The following ZNF423 variants were observed in gnomAD, a reference collection of about 807,000 sequenced individuals.
The protein encoded by ZNF423 is zinc finger protein 423.
In ZNF423, 12 loss-of-function variants were observed where a neutral mutation model predicts 95.8. That is an observed-to-expected ratio of 0.13 (90% confidence interval 0.08 to 0.20). The LOEUF is 0.20. ZNF423 is among the 10% of genes least tolerant of loss of function. ZNF423 has a pLI of 1.00. For synonymous variants in ZNF423, 749 were observed against 711.9 expected (o/e 1.05, Z -0.83); for missense variants, 1,316 against 1,737.1 (o/e 0.76, Z 4.31).
chr16:49,724,311 T>C (rs181164903), intron 3 of ZNF423, among the ~76,000 whole-genome samples: 3 of 152,358 alleles, frequency 2.0e-5, no homozygotes, highest in African/African-American at 7.2e-5. Flanking sequence ...AACTGGAAGC[T>C]GTCTGCATGC....
intron 5 of ZNF423, among the ~76,000 whole-genome samples, chr16:49,610,856 G>C (rs189160265): frequency 6.6e-5 from 10 of 151,820 alleles, no homozygotes; most frequent in Admixed American, 3.3e-4. Flanking sequence ...TTGAAAGAAA[G>C]CAAAAAGGCT....
chr16:49,541,506 A>G (rs1567454657), intron 5 of ZNF423, among the ~76,000 whole-genome samples: 1 of 152,236 alleles, frequency 6.6e-6, no homozygotes, highest in Non-Finnish European at 1.5e-5. Flanking sequence ...CTGGAAGGAC[A>G]CACATTAAGG....
intron 7 of ZNF423, among the ~76,000 whole-genome samples, chr16:49,507,114 C>T (rs944482975): frequency 6.6e-6 from 1 of 152,184 alleles, no homozygotes; most frequent in Non-Finnish European, 1.5e-5. Context: ...CTAAGCACTC[C>T]TTCACTCACC....
intron 3 of ZNF423, among the ~76,000 whole-genome samples, chr16:49,692,519 T>C (rs980620020): frequency 3.3e-5 from 5 of 152,156 alleles, no homozygotes; most frequent in Non-Finnish European, 5.9e-5. Flanking sequence ...CCTTAACCCA[T>C]GCCTGACCCC....
At chr16:49,626,880 CATA>C (rs1596739647) in intron 4 of ZNF423, among the ~76,000 whole-genome samples, 1 of 140,880 alleles carries the variant, frequency 7.1e-6, no homozygotes, top group South Asian at 2.5e-4. Context: ...CATCCATCTA[CATA>C]ATACCCACCC....
intron 7 of ZNF423, among the ~76,000 whole-genome samples, chr16:49,493,388 G>T (rs756466389): frequency 1.1e-4 from 16 of 152,200 alleles, no homozygotes; most frequent in Non-Finnish European, 2.2e-4. Context: ...TTGCTGAGCT[G>T]CACACAGGGT....
chr16:49,548,706 T>TGACATC (rs925221739), intron 5 of ZNF423, among the ~76,000 whole-genome samples: 22 of 152,144 alleles, frequency 1.4e-4, no homozygotes, highest in African/African-American at 4.6e-4. Flanking sequence ...AGCCTTCCCC[T>TGACATC]GACATCGAAC....
intron 3 of ZNF423, among the ~76,000 whole-genome samples, chr16:49,726,533 G>A (rs374774372): frequency 1.8e-4 from 27 of 152,060 alleles, no homozygotes; most frequent in African/African-American, 3.9e-4. Context: ...CTTGGCCAGC[G>A]CTTCACAAAT....
intron 2 of ZNF423, among the ~76,000 whole-genome samples, chr16:49,777,258 T>C (rs1454792508): frequency 6.6e-6 from 1 of 152,234 alleles, no homozygotes; most frequent in East Asian, 1.9e-4. Flanking sequence ...AATGTGCACA[T>C]ACGTGTGTGT....
intron 5 of ZNF423, among the ~76,000 whole-genome samples, chr16:49,554,561 T>C (rs1969757993): frequency 6.6e-6 from 1 of 152,102 alleles, no homozygotes; most frequent in East Asian, 1.9e-4. Context: ...GTTCTGAAAA[T>C]GCCAACTCAA....
chr16:49,808,522 G>T (rs550323794), intron 1 of ZNF423, among the ~76,000 whole-genome samples: 5 of 152,296 alleles, frequency 3.3e-5, no homozygotes, highest in African/African-American at 2.4e-5. Flanking sequence ...GGGACAGTGG[G>T]CATGAGAAGT....
intron 5 of ZNF423, among the ~76,000 whole-genome samples, chr16:49,539,437 C>T (rs1324815837): frequency 6.6e-6 from 1 of 152,196 alleles, no homozygotes; most frequent in Non-Finnish European, 1.5e-5. Flanking sequence ...AGCACATGAA[C>T]AGAAGTGCAG....
chr16:49,616,522 A>T (rs1424590607), intron 5 of ZNF423, among the ~76,000 whole-genome samples: 1 of 152,172 alleles, frequency 6.6e-6, no homozygotes, highest in Non-Finnish European at 1.5e-5. Context: ...GCTTCAGGTG[A>T]TAGATACCCC....
chr16:49,695,903 C>T (rs567108153), intron 3 of ZNF423, among the ~76,000 whole-genome samples: 1 of 152,360 alleles, frequency 6.6e-6, no homozygotes. Flanking sequence ...TATTCCAATG[C>T]ATCCTCCCTA....
At chr16:49,825,877 G>T (rs1236996040) in intron 1 of ZNF423, among the ~76,000 whole-genome samples, 1 of 152,164 alleles carries the variant, frequency 6.6e-6, no homozygotes, top group Non-Finnish European at 1.5e-5. Flanking sequence ...GGACCAACAA[G>T]GTTTCAGAAG....
At chr16:49,654,845 T>C (rs938874870) in intron 3 of ZNF423, among the ~76,000 whole-genome samples, 3 of 152,252 alleles carry the variant, frequency 2.0e-5, no homozygotes, top group African/African-American at 7.2e-5. Context: ...AGTCCACGCT[T>C]AGCATTTCCA....
chr16:49,724,588 G>C (rs555982266), intron 3 of ZNF423, among the ~76,000 whole-genome samples: 16 of 152,324 alleles, frequency 1.1e-4, no homozygotes, highest in African/African-American at 3.1e-4. Flanking sequence ...AAAGGGGCCT[G>C]AGCCAGCACA....
intron 1 of ZNF423, among the ~76,000 whole-genome samples, chr16:49,837,453 TA>T (rs1338955035): frequency 6.6e-6 from 1 of 152,178 alleles, no homozygotes; most frequent in Non-Finnish European, 1.5e-5. Context: ...GTGCAAACCT[TA>T]GGGGTCATTT....
At chr16:49,608,242 C>A (rs557419566) in intron 5 of ZNF423, among the ~76,000 whole-genome samples, 1 of 152,258 alleles carries the variant, frequency 6.6e-6, no homozygotes, top group South Asian at 2.1e-4. Context: ...AACAAGGGAT[C>A]GTTAGTATCA....
Sources: allele counts gnomAD v4.1 joint callset (sites outside exome capture counted in the v4.1 genomes callset), GRCh38; gene constraint gnomAD v4.1.1; transcripts MANE v1.5; gene names NCBI Gene and HGNC (gene_info 2026-07-23, HGNC 2026-07-21).